Variants in GPAM observed in about 807,000 individuals in gnomAD.
The protein encoded by GPAM is glycerol-3-phosphate acyltransferase 1, mitochondrial.
A neutral mutation model predicts 105.0 loss-of-function variants in GPAM; 56 were observed. The observed-to-expected ratio is 0.53, with a 90% CI of 0.43 to 0.67. The LOEUF (loss-of-function observed/expected upper bound fraction) is 0.67. GPAM is among the 30% of genes least tolerant of loss of function. The pLI, the probability that GPAM is intolerant of heterozygous loss-of-function variation, is 0.00. For missense variants in GPAM, 855 were observed against 989.8 expected (o/e 0.86, Z 1.83); for synonymous variants, 368 against 354.4 (o/e 1.04, Z -0.43).
intron 5 of GPAM, among the ~76,000 whole-genome samples, chr10:112,176,176 A>G (rs961954022): frequency 7.2e-5 from 11 of 152,156 alleles, no homozygotes; most frequent in Non-Finnish European, 1.5e-4. Context: ...GTTTTTTCCT[A>G]AGATAATCAC....
In GPAM at chr10:112,181,305, A is replaced by T. The variant is rs565185394; in HGVS notation, c.102+378T>A. ...TGTACGCCTTTTGGATTGAATTCAT[A>T]CTATAAGTTCCTAATTTTTTAAAGT... On this transcript the variant is annotated intron_variant, in intron 3 of 21. Coordinates refer to ENST00000348367, the MANE Select transcript of GPAM (RefSeq NM_001244949.2). Among the ~76,000 whole-genome samples, 3 of 152,174 alleles carry T rather than the reference A, an allele frequency of 2.0e-5. No individual in the cohort carries two copies. The East Asian group carries it at 5.8e-4, about 29-fold the overall frequency.
At chr10:112,225,821 T>C in the GPAM span, among the ~76,000 whole-genome samples, 7 of 152,210 alleles carry the variant, frequency 4.6e-5, no homozygotes, top group South Asian at 4.1e-4. Context: ...AGCTTCTTAA[T>C]GGCAAGCATG....
At chr10:112,165,732 A>G (rs1847204551) in intron 12 of GPAM, among the ~76,000 whole-genome samples, 3 of 152,202 alleles carry the variant, frequency 2.0e-5, no homozygotes, top group Admixed American at 1.3e-4. Flanking sequence ...GGTGTTTGGA[A>G]AAATTTCCCC....
Position 112,180,543 on chromosome 10 carries a change from T to C in GPAM, c.155A>G (p.Lys52Arg). 6.2e-7 allele frequency: 1 copy of C among 1,612,862 alleles called. No individual in the cohort carries two copies. ...TIFRSATLKW[K>R]ESLMSRKRPF... ...CCTTTTCCGACTCATTAGGCTTTCT[T>C]TCCATTTTAAAGTTGCAGATCTGAA... Residue 52 changes from lysine to arginine, a missense_variant, in exon 4 of 22, where the codon AAA (lysine) becomes AGA (arginine). By Grantham distance (26) the Lys-to-Arg change is conservative. Coordinates refer to ENST00000348367, the MANE Select transcript of GPAM (RefSeq NM_001244949.2).
chr10:112,205,026 GACAA>G (rs1847843555), intron 1 of GPAM, among the ~76,000 whole-genome samples: 2 of 22,840 alleles, frequency 8.8e-5, no homozygotes, highest in East Asian at 9.7e-4. Context: ...ACCAACAACA[GACAA>G]ACAGAGAGCC....
upstream of GPAM, among the ~76,000 whole-genome samples, chr10:112,185,934 G>A (rs533323954): frequency 2.6e-5 from 4 of 151,798 alleles, no homozygotes; most frequent in Non-Finnish European, 4.4e-5. Flanking sequence ...GAAATATGAG[G>A]TGAGAATAGA....
upstream of GPAM, among the ~76,000 whole-genome samples, chr10:112,220,183 C>T (rs567396670): frequency 1.1e-4 from 16 of 152,196 alleles, no homozygotes; most frequent in South Asian, 1.7e-3. Context: ...ATTTTCCACA[C>T]CCCTATGATT....
At chr10:112,188,990 G>C (rs1847625303) in intron 1 of GPAM, among the ~76,000 whole-genome samples, 1 of 152,206 alleles carries the variant, frequency 6.6e-6, no homozygotes, top group Admixed American at 6.5e-5. Flanking sequence ...CTTTCAGACT[G>C]ATCCAGATTC....
chr10:112,177,478 A>G (rs1186060117), intron 5 of GPAM, among the ~76,000 whole-genome samples: 1 of 152,122 alleles, frequency 6.6e-6, no homozygotes, highest in African/African-American at 2.4e-5. Context: ...TTTCTCTCAC[A>G]CTGGTGCTTA....
In GPAM at chr10:112,211,368, A is replaced by G. The variant is rs373782476; in HGVS notation, n.210+3800T>C. On this transcript the variant is annotated intron_variant and non_coding_transcript_variant, in intron 1 of 3. Transcript: ENST00000480130. ...TAGAGGTGGCCAACTCAGTCTTAGG[A>G]ATCATTCAGTCCAACTCTCTCATTT... Among the ~76,000 whole-genome samples the G allele has an allele frequency of 5.9e-4, 90 of 152,222 alleles. 1 individual carries two copies. Among genetic ancestry groups the G allele is most frequent in the African/African-American group, 2.0e-3 (85 of 41,534 alleles).
intron 1 of GPAM, among the ~76,000 whole-genome samples, chr10:112,199,697 G>A (rs968091096): frequency 2.0e-5 from 3 of 152,130 alleles, no homozygotes; most frequent in African/African-American, 7.2e-5. Context: ...CCACATGGCT[G>A]GGGAGGCCTC....
At position 112,164,553 on chromosome 10, in the gene GPAM, C is replaced by T. The variant is rs765572330; in HGVS notation, c.1279G>A (p.Ala427Thr). ...PVSALLSLEQ[A>T]LLPAILPSRP... ...GAAGGAAGTATAGCTGGTAACAACG[C>T]TTGCTCCAGGGAAAGTAGAGCAGAC... Residue 427 changes from alanine to threonine, a missense_variant, in exon 13 of 22, where the codon GCG becomes ACG. Physicochemically the swap from Ala to Thr is moderately conservative, Grantham distance 58. Transcript: ENST00000348367. 14 of 1,604,044 alleles carry T rather than the reference C, an allele frequency of 8.7e-6. No homozygotes were observed. Among genetic ancestry groups the T allele is most frequent in the Non-Finnish European group, 1.1e-5 (13 of 1,170,840 alleles).
At chr10:112,209,500 G>A (rs1445919916) in intron 1 of GPAM, among the ~76,000 whole-genome samples, 1 of 151,966 alleles carries the variant, frequency 6.6e-6, no homozygotes, top group Admixed American at 6.6e-5. Context: ...CCATCCCTGG[G>A]GGACCACTGA....
At chr10:112,165,729 G>A (rs997838298) in intron 12 of GPAM, among the ~76,000 whole-genome samples, 28 of 151,952 alleles carry the variant, frequency 1.8e-4, no homozygotes, top group African/African-American at 6.5e-4. Context: ...GGAGGTGTTT[G>A]GAAAAATTTC....
chr10:112,157,448 C>A, intron 18 of GPAM, 59 bp from the exon 19 acceptor site: 1 of 1,510,570 alleles, frequency 6.6e-7, no homozygotes, highest in East Asian at 2.3e-5. Flanking sequence ...AACAACTGCC[C>A]AGTGGAGCCA....
chr10:112,155,789 T>G, intron 20 of GPAM, 75 bp downstream of exon 20: 1 of 933,924 alleles, frequency 1.1e-6, no homozygotes, highest in South Asian at 1.5e-5. Flanking sequence ...TTTTCCAATT[T>G]TCTACAATTA....
upstream of GPAM, among the ~76,000 whole-genome samples, chr10:112,215,924 C>T (rs1481784514): frequency 1.3e-5 from 2 of 152,188 alleles, no homozygotes; most frequent in African/African-American, 4.8e-5. Flanking sequence ...CTCTTTCCAG[C>T]TGCTGCCACC....
intron 1 of GPAM, among the ~76,000 whole-genome samples, chr10:112,183,422 G>C (rs1748325625): frequency 6.6e-6 from 1 of 152,242 alleles, no homozygotes; most frequent in Admixed American, 6.5e-5. Context: ...CGCGCGTGCA[G>C]ATACTTAGGG....
intron 1 of GPAM, among the ~76,000 whole-genome samples, chr10:112,199,661 G>T (rs1420979135): frequency 6.6e-6 from 1 of 152,176 alleles, no homozygotes; most frequent in Non-Finnish European, 1.5e-5. Flanking sequence ...ATTTATAAAG[G>T]AAAGAGGCTT....
Sources: allele counts gnomAD v4.1 joint callset (sites outside exome capture counted in the v4.1 genomes callset), GRCh38; gene constraint gnomAD v4.1.1; transcripts MANE v1.5; gene names NCBI Gene and HGNC (gene_info 2026-07-23, HGNC 2026-07-21).